The following NCAN variants were observed in gnomAD, a reference collection of about 807,000 sequenced individuals.
NCAN encodes the protein neurocan, also known as neurocan core protein.
Under a neutral mutation model 121.8 loss-of-function variants are expected in NCAN, and 47 were observed. That is an observed-to-expected ratio of 0.39 (90% CI 0.31 to 0.49). NCAN has a LOEUF of 0.49. Ranked by LOEUF, NCAN falls within the 20% of genes least tolerant of loss-of-function variation. The pLI is 0.92. For missense variants in NCAN, 1,517 were observed against 1,773.4 expected (o/e 0.86, Z 2.60); for synonymous variants, 633 against 702.0 (o/e 0.90, Z 1.55).
rs1013724264 is a variant in NCAN, at chr19:19,250,073, T to C, written c.*162T>C. On this transcript the variant is annotated 3_prime_UTR_variant, in exon 15 of 15. Coordinates refer to ENST00000252575, the MANE Select transcript of NCAN (RefSeq NM_004386.3). The stretch of plus-strand genomic sequence containing the variant: ...CTTTGTACAAAGCTCCTCTTTTCCC[T>C]TTTTTTACATACACAAGATCCTCTT... 41 of 808,316 alleles carry C rather than the reference T, an allele frequency of 5.1e-5. No homozygotes were observed. Among genetic ancestry groups the C allele is most frequent in the Non-Finnish European group, 8.3e-5 (40 of 480,592 alleles). The allele number at this position is 808,316 out of a possible 1,614,324, so 50.1% of individuals were successfully genotyped here.
chr19:19,231,760 A>G (rs2060860799), intron 8 of NCAN, among the ~76,000 whole-genome samples: 1 of 152,038 alleles, frequency 6.6e-6, no homozygotes, highest in Non-Finnish European at 1.5e-5. Context: ...ACGGAGGATC[A>G]CTTGAGCCCA....
rs913692114 is a variant in NCAN at position 19,242,328 on chromosome 19, C to CA, written c.3492+1643_3492+1644insA. Among the ~76,000 whole-genome samples the CA allele has an allele frequency of 6.0e-4, 91 of 151,772 alleles. 1 individual carries two copies. The highest frequency in any genetic ancestry group is 1.9e-3 in the African/African-American group (79 of 41,392). On this transcript the variant is annotated intron_variant, in intron 12 of 14. Transcript: ENST00000252575. ...CGCTGGAGCCCAGGAGGTTGAGGCT[C>CA]CAGTGAGCTATGATTGCACCACTGC...
In NCAN at chr19:19,219,092, C is replaced by T. The variant is rs200876851; in HGVS notation, c.251C>T (p.Ala84Val). 147 of 1,612,134 alleles carry T rather than the reference C, an allele frequency of 9.1e-5. No individual in the cohort carries two copies. The highest frequency in any genetic ancestry group is 2.7e-4 in the Admixed American group (16 of 59,868). The change falls in exon 3 of 15, where the codon GCG (alanine) becomes GTG (valine). Residue 84 changes from alanine to valine, a missense_variant. Physicochemically the swap from Ala to Val is moderately conservative, Grantham distance 64. Transcript: ENST00000252575. ...PRIKWTKVRT[A>V]SGQRQDLPIL... Reference sequence around the variant, plus strand: ...ATAAAGTGGACCAAGGTGCGGACTGCGTCGGGCCAGCGACAGGACTTGCCC... The same window carrying T: ...ATAAAGTGGACCAAGGTGCGGACTGTGTCGGGCCAGCGACAGGACTTGCCC...
chr19:19,233,999 T>A, intron 9 of NCAN, 94 bp downstream of exon 9: 1 of 796,604 alleles, frequency 1.3e-6, no homozygotes, highest in South Asian at 1.6e-5. Flanking sequence ...AATTCAGAGA[T>A]CACAAAAAGC....
rs562980230 is a variant in NCAN at position 19,212,998 on chromosome 19, GCTGGGAAGTAAGGGC to G, written c.-8+936_-8+950del. Among the ~76,000 whole-genome samples, 234 of 152,296 alleles carry G rather than the reference GCTGGGAAGTAAGGGC, an allele frequency of 1.5e-3. No individual in the cohort carries two copies. The highest frequency in any genetic ancestry group is 5.5e-3 in the African/African-American group (228 of 41,554). ...GGGCACAGGGGCTGGGAAGTAAGGG[GCTGGGAAGTAAGGGC>G]CCTGTCTGGGCAGGAGAGACCCCCA... On this transcript the variant is annotated intron_variant, in intron 1 of 14. Coordinates refer to ENST00000252575, the MANE Select transcript of NCAN (RefSeq NM_004386.3). The surrounding 1 kb of genome is among the most constrained non-coding windows in gnomAD (Gnocchi z 4.5).
rs781450250 is a variant in NCAN at position 19,228,164 on chromosome 19, C to T, written c.2544C>T (p.Ser848=). The T allele has an allele frequency of 6.2e-6, 10 of 1,613,676 alleles. No homozygotes were observed. Among genetic ancestry groups the T allele is most frequent in the African/African-American group, 1.3e-5 (1 of 74,890 alleles). ...SDASGIWEPG[S]QVFEEAESTT... The stretch of plus-strand genomic sequence containing the variant: ...CTAGTGGAATTTGGGAACCTGGATC[C>T]CAGGTGTTTGAAGAAGCCGAAAGCA... Residue 848 remains serine, a synonymous_variant, in exon 8 of 15, where the codon TCC becomes TCT. Coordinates refer to ENST00000252575, the MANE Select transcript of NCAN (RefSeq NM_004386.3).
intron 13 of NCAN, among the ~76,000 whole-genome samples, chr19:19,245,877 G>T (rs1160213859): frequency 6.6e-6 from 1 of 152,090 alleles, no homozygotes; most frequent in Non-Finnish European, 1.5e-5. Flanking sequence ...GGAGAAGGGG[G>T]AGTCACTAGT....
chr19:19,233,087 C>T (rs2060866780), intron 8 of NCAN: 2 of 152,086 alleles, frequency 1.3e-5, no homozygotes, highest in African/African-American at 2.4e-5. Flanking sequence ...TTCCTGCCAC[C>T]ATACCCAGCT....
At chr19:19,249,451 T>C (rs992109992) in intron 14 of NCAN, among the ~76,000 whole-genome samples, 3 of 152,042 alleles carry the variant, frequency 2.0e-5, no homozygotes, top group African/African-American at 7.2e-5. Context: ...CACTATAGCC[T>C]CATCCTCCCA....
At chr19:19,224,456 C>A in intron 5 of NCAN, 23 bp downstream of exon 5, 1 of 1,607,456 alleles carries the variant, frequency 6.2e-7, no homozygotes, top group South Asian at 1.1e-5. Flanking sequence ...CTGGCAGGAC[C>A]CGGCCCCTCC....
chr19:19,228,308 A>G lies in NCAN; in HGVS notation c.2688A>G (p.Gln896=). 1.2e-6 allele frequency: 2 copies of G among 1,613,790 alleles called. No homozygotes were observed. The highest frequency in any genetic ancestry group is 1.1e-5 in the South Asian group (1 of 91,076). The change falls in exon 8 of 15, where the codon CAA becomes CAG. Residue 896 remains glutamine (Q), a synonymous_variant. Transcript: ENST00000252575. ...AMSTLGSSSS[Q]PHPEPEDQVE... ...CTACACTGGGCTCCTCAAGCTCCCA[A>G]CCCCACCCAGAGCCAGAGGATCAGG...
At position 19,227,452 on chromosome 19, in the gene NCAN, T is replaced by C; in HGVS notation, c.1832T>C (p.Val611Ala). 6.2e-7 allele frequency: 1 copy of C among 1,613,560 alleles called. No homozygotes were observed. Among genetic ancestry groups the C allele is most frequent in the Non-Finnish European group, 8.5e-7 (1 of 1,179,880 alleles). ...DLFWSPLEAT[V>A]SAPSPAPWEA... ...TTTTGGTCCCCCTTGGAGGCCACTG[T>C]CTCAGCTCCCAGCCCTGCCCCCTGG... Residue 611 changes from valine to alanine, a missense_variant, in exon 8 of 15, where the codon GTC becomes GCC. By Grantham distance (64) the Val-to-Ala change is moderately conservative (BLOSUM62 0). Transcript: ENST00000252575. This position sits in a 1 kb window ranked among gnomAD's most constrained non-coding sequence, Gnocchi z 4.2.
rs2060777523 is a variant in NCAN, at chr19:19,212,124, T to G, written c.-8+60T>G. 1 of 168,866 alleles carries G rather than the reference T, an allele frequency of 5.9e-6. No individual in the cohort carries two copies. Among genetic ancestry groups the G allele is most frequent in the Non-Finnish European group, 1.3e-5 (1 of 75,690 alleles). 10.5% of individuals were successfully genotyped at this position (168,866 alleles called of 1,614,324 possible). ...AAGACTTCGGGATTAGAGACAGAGC[T>G]CAGGATTAGGGAGAGGACCTGAGAC... On this transcript the variant is annotated intron_variant, in intron 1 of 14. Coordinates refer to ENST00000252575, the MANE Select transcript of NCAN (RefSeq NM_004386.3). The surrounding 1 kb of genome is among the most constrained non-coding windows in gnomAD (Gnocchi z 4.5).
In NCAN at chr19:19,228,076, C is replaced by G. The variant is rs1161814231; in HGVS notation, c.2456C>G (p.Ala819Gly). The G allele has an allele frequency of 1.9e-6, 3 of 1,613,530 alleles. No individual in the cohort carries two copies. The highest frequency in any genetic ancestry group is 2.5e-6 in the Non-Finnish European group (3 of 1,180,008). ...KVTPNLEPWV[A>G]TDEGPTVNPM... ...ACCCCAAATTTGGAGCCTTGGGTTG[C>G]TACAGATGAAGGACCCACTGTGAAT... The change falls in exon 8 of 15, where the codon GCT (alanine) becomes GGT (glycine). Residue 819 changes from alanine to glycine, a missense_variant. By Grantham distance (60) the Ala-to-Gly change is moderately conservative. Transcript: ENST00000252575.
intron 1 of NCAN, among the ~76,000 whole-genome samples, chr19:19,213,064 CTCAGGCAGCATCAA>C (rs1279309733): frequency 2.0e-5 from 3 of 152,138 alleles, no homozygotes; most frequent in Admixed American, 2.0e-4. Flanking sequence ...CTTTGTTCCT[CTCAGGCAGCATCAA>C]TGAGAAACAG....
chr19:19,231,529 A>G lies in NCAN; in HGVS notation c.3020-2260A>G, dbSNP rs577207629. 4.6e-5 allele frequency among the ~76,000 whole-genome samples: 7 copies of G among 151,976 alleles called. No homozygotes were observed. In the South Asian group the frequency reaches 1.0e-3, roughly 23 times the overall value. ...CTTTTAGTAGAGATGGTGTTTCACC[A>G]TGTTGACCAGGTTGGTCTCAAGCTC... On this transcript the variant is annotated intron_variant, in intron 8 of 14. Coordinates refer to ENST00000252575, the MANE Select transcript of NCAN (RefSeq NM_004386.3).
chr19:19,249,702 G>A, intron 14 of NCAN, 64 bp from the exon 15 acceptor site: 2 of 1,538,060 alleles, frequency 1.3e-6, no homozygotes, highest in Non-Finnish European at 1.7e-6. Context: ...GACACCCGCT[G>A]CATCAGGCCA....
intron 8 of NCAN, among the ~76,000 whole-genome samples, 197 bp downstream of exon 8, chr19:19,228,836 C>T (rs1440160037): frequency 2.0e-5 from 3 of 152,206 alleles, no homozygotes; most frequent in African/African-American, 7.2e-5. Flanking sequence ...GAGGAACGAG[C>T]ACTGGCAAAG....
At position 19,212,035 on chromosome 19, in the gene NCAN, G is replaced by GC; in HGVS notation, c.-33dup. The GC allele has an allele frequency of 4.7e-6, 1 of 212,978 alleles. No homozygotes were observed. Among genetic ancestry groups the GC allele is most frequent in the Admixed American group, 6.4e-5 (1 of 15,694 alleles). The allele number at this position is 212,978 out of a possible 1,614,324, so 13.2% of individuals were successfully genotyped here. On this transcript the variant is annotated 5_prime_UTR_variant, in exon 1 of 15. Coordinates refer to ENST00000252575, the MANE Select transcript of NCAN (RefSeq NM_004386.3). This position sits in a 1 kb window ranked among gnomAD's most constrained non-coding sequence, Gnocchi z 4.5. ...GCAGCGTCCTTTGTGCCCGGCGGCC[G>GC]CCCCGGGATGCGTCCGAGCTAGGAG...
Sources: gnomAD v4.1 joint callset for allele counts (sites outside exome capture counted in the v4.1 genomes callset) on GRCh38, gnomAD v4.1.1 for gene constraint, Gnocchi (gnomAD v3.1) non-coding constraint, MANE v1.5 for transcripts, NCBI Gene and HGNC (gene_info 2026-07-23, HGNC 2026-07-21) for gene names.